EPHA4: variants seen among roughly 807,000 people sequenced by gnomAD.
EPHA4 encodes the protein ephrin type-A receptor 4.
Under a neutral mutation model 108.3 loss-of-function variants are expected in EPHA4, and 19 were observed. The observed-to-expected ratio is 0.18, with a 90% CI of 0.12 to 0.26. The LOEUF (loss-of-function observed/expected upper bound fraction) is 0.26, where lower values mean the gene tolerates loss of function less well. Ranked by LOEUF, EPHA4 falls within the 10% of genes least tolerant of loss-of-function variation. The pLI is 1.00. For missense variants in EPHA4, 917 were observed against 1,254.0 expected (o/e 0.73, Z 4.06); for synonymous variants, 449 against 455.5 (o/e 0.99, Z 0.18).
chr2:221,517,715 C>T (rs1693031064), intron 3 of EPHA4, among the ~76,000 whole-genome samples: 1 of 152,166 alleles, frequency 6.6e-6, no homozygotes, highest in Non-Finnish European at 1.5e-5. Flanking sequence ...TTGGCTGTAT[C>T]CTTCCAAATG....
chr2:221,467,523 G>A (rs1691348131), intron 5 of EPHA4, among the ~76,000 whole-genome samples: 1 of 152,114 alleles, frequency 6.6e-6, no homozygotes, highest in African/African-American at 2.4e-5. Flanking sequence ...TCATTATACT[G>A]AAACATACAG....
intron 4 of EPHA4, among the ~76,000 whole-genome samples, chr2:221,499,563 T>G (rs2106155874): frequency 1.3e-5 from 2 of 150,346 alleles, no homozygotes; most frequent in East Asian, 3.9e-4. Context: ...ACTCCACTCA[T>G]TTTAAAGACA....
At chr2:221,537,766 G>A (rs1693712524) in intron 3 of EPHA4, among the ~76,000 whole-genome samples, 1 of 152,182 alleles carries the variant, frequency 6.6e-6, no homozygotes, top group Non-Finnish European at 1.5e-5. Flanking sequence ...CTCTAGCCTA[G>A]GCAATAGAGT....
intron 3 of EPHA4, among the ~76,000 whole-genome samples, chr2:221,558,499 C>T (rs1376972617): frequency 2.0e-5 from 3 of 152,148 alleles, no homozygotes; most frequent in African/African-American, 7.2e-5. Flanking sequence ...ATGACCACCC[C>T]TGCTTTGCAC....
At position 221,436,385 on chromosome 2, in the gene EPHA4, C is replaced by G. The variant is rs755538556; in HGVS notation, c.2346+14G>C. On this transcript the variant is annotated intron_variant, in intron 13 of 17. Transcript: ENST00000281821. ...CACCAGAGTGAAAGCCCAGATGTCA[C>G]CGATCTTTCTTACCCTGGTGGTGTA... The G allele has an allele frequency of 1.2e-5, 19 of 1,613,170 alleles. No individual in the cohort carries two copies. Among genetic ancestry groups the G allele is most frequent in the Non-Finnish European group, 1.5e-5 (18 of 1,179,194 alleles).
At chr2:221,445,836 C>T (rs986677654) in intron 9 of EPHA4, among the ~76,000 whole-genome samples, 1 of 151,952 alleles carries the variant, frequency 6.6e-6, no homozygotes, top group Non-Finnish European at 1.5e-5. Context: ...TTTTGCCACC[C>T]AGCTACAACA....
At chr2:221,445,589 G>GAAAA (rs35067500) in intron 9 of EPHA4, among the ~76,000 whole-genome samples, 1 of 88,420 alleles carries the variant, frequency 1.1e-5, no homozygotes. Context: ...GACTCCGTCA[G>GAAAA]AAAAAAAAAA....
chr2:221,549,660 T>C (rs1694103214), intron 3 of EPHA4, among the ~76,000 whole-genome samples: 1 of 151,250 alleles, frequency 6.6e-6, no homozygotes, highest in South Asian at 2.1e-4. Flanking sequence ...ACCCATTACC[T>C]TTAATTCGCA....
intron 13 of EPHA4, among the ~76,000 whole-genome samples, chr2:221,435,740 C>A (rs1350010074): frequency 6.6e-6 from 1 of 152,126 alleles, no homozygotes; most frequent in Non-Finnish European, 1.5e-5. Context: ...GTGTCCTAAT[C>A]CCCGCTTATC....
At chr2:221,493,233 T>A (rs1692201135) in intron 4 of EPHA4, among the ~76,000 whole-genome samples, 1 of 152,112 alleles carries the variant, frequency 6.6e-6, no homozygotes, top group South Asian at 2.1e-4. Flanking sequence ...TTCGGGTAGA[T>A]AAAAAAATAT....
rs112100177 is a variant in EPHA4, at chr2:221,475,124, G to C, written c.1318+7228C>G. Among the ~76,000 whole-genome samples, 301 of 152,302 alleles carry C rather than the reference G, an allele frequency of 2.0e-3. 2 individuals are homozygous for C. The highest frequency in any genetic ancestry group is 6.9e-3 in the African/African-American group (285 of 41,576). On this transcript the variant is annotated intron_variant, in intron 5 of 17. Coordinates refer to ENST00000281821, the MANE Select transcript of EPHA4 (RefSeq NM_004438.5). ...GGGCTCAAGTGATCCACTCGCCCTAGCCTCCCAAAGTACTGGGATTACAGG... is the reference window on the plus strand; with the variant it reads ...GGGCTCAAGTGATCCACTCGCCCTACCCTCCCAAAGTACTGGGATTACAGG...
chr2:221,441,055 G>A (rs959554418), intron 11 of EPHA4, among the ~76,000 whole-genome samples: 8 of 152,120 alleles, frequency 5.3e-5, no homozygotes, highest in Non-Finnish European at 8.8e-5. Context: ...AGATTCTTAT[G>A]TTTGAGGACC....
chr2:221,461,216 A>G (rs903987677), intron 5 of EPHA4, among the ~76,000 whole-genome samples: 3 of 152,210 alleles, frequency 2.0e-5, no homozygotes, highest in Non-Finnish European at 4.4e-5. Context: ...TCAATATTAC[A>G]TAATATCTCA....
At chr2:221,439,378 C>T (rs1404892448) in intron 11 of EPHA4, among the ~76,000 whole-genome samples, 1 of 151,430 alleles carries the variant, frequency 6.6e-6, no homozygotes, top group East Asian at 2.0e-4. Context: ...CACCTGTAGT[C>T]CCAGCTACTC....
chr2:221,480,643 G>A (rs1691791522), intron 5 of EPHA4, among the ~76,000 whole-genome samples: 1 of 152,142 alleles, frequency 6.6e-6, no homozygotes, highest in Non-Finnish European at 1.5e-5. Flanking sequence ...TGCGAACAGT[G>A]TTCACAACCT....
At chr2:221,568,335 T>TC (rs1694729433) in intron 2 of EPHA4, among the ~76,000 whole-genome samples, 1 of 152,056 alleles carries the variant, frequency 6.6e-6, no homozygotes, top group African/African-American at 2.4e-5. Flanking sequence ...TCTTTTTTTT[T>TC]CATCTGGAAG....
At chr2:221,526,285 A>C (rs1377058242) in intron 3 of EPHA4, among the ~76,000 whole-genome samples, 1 of 152,092 alleles carries the variant, frequency 6.6e-6, no homozygotes, top group East Asian at 1.9e-4. Flanking sequence ...TGAATAAGGA[A>C]ACACATTATC....
At chr2:221,467,304 T>C (rs2106126667) in intron 5 of EPHA4, among the ~76,000 whole-genome samples, 1 of 152,284 alleles carries the variant, frequency 6.6e-6, no homozygotes, top group Non-Finnish European at 1.5e-5. Flanking sequence ...TGACTATACA[T>C]TCGAATCTTG....
intron 3 of EPHA4, among the ~76,000 whole-genome samples, chr2:221,519,894 A>G (rs533067297): frequency 6.6e-5 from 10 of 152,190 alleles, no homozygotes; most frequent in Non-Finnish European, 1.5e-4. Flanking sequence ...TTTACCTCCA[A>G]TGCAACCTAG....
Sources: allele counts gnomAD v4.1 joint callset (sites outside exome capture counted in the v4.1 genomes callset), GRCh38; gene constraint gnomAD v4.1.1; transcripts MANE v1.5; gene names NCBI Gene and HGNC (gene_info 2026-07-23, HGNC 2026-07-21).